RBM38: variants seen among roughly 807,000 people sequenced by gnomAD.
RBM38 encodes the protein RNA-binding protein 38.
Under a neutral mutation model 23.5 loss-of-function variants are expected in RBM38, and 11 were observed. That is an observed-to-expected ratio of 0.47 (90% confidence interval 0.29 to 0.77). The LOEUF is 0.77. Ranked by LOEUF, RBM38 falls within the 30% of genes least tolerant of loss-of-function variation. The probability of loss-of-function intolerance (pLI) is 0.08; values close to 1 mark genes in which losing one functional copy is unlikely to be tolerated. For missense variants in RBM38, 330 were observed against 351.9 expected, an observed-to-expected ratio of 0.94 and a Z score of 0.50; for synonymous variants, 165 against 166.1, an observed-to-expected ratio of 0.99 and a Z score of 0.05.
At chr20:57,401,980 G>A (rs142097653) in intron 3 of RBM38, among the ~76,000 whole-genome samples, 236 of 152,224 alleles carry the variant, frequency 1.6e-3, no homozygotes, top group African/African-American at 5.4e-3. Context: ...ACGGAGTCTC[G>A]CTCTGTCTCC....
chr20:57,398,680 T>G (rs1002321460), intron 3 of RBM38, among the ~76,000 whole-genome samples: 15 of 152,224 alleles, frequency 9.9e-5, no homozygotes, highest in African/African-American at 3.6e-4. Context: ...GAAAGCAGCC[T>G]TTGGGTGGCG....
At chr20:57,394,567 G>T (rs2067255325) in intron 3 of RBM38, among the ~76,000 whole-genome samples, 1 of 152,184 alleles carries the variant, frequency 6.6e-6, no homozygotes, top group African/African-American at 2.4e-5. Context: ...TCCTGCCGGG[G>T]TGCCTCTGTC....
chr20:57,397,116 A>G, intron 3 of RBM38, among the ~76,000 whole-genome samples: 1 of 152,184 alleles, frequency 6.6e-6, no homozygotes, highest in Non-Finnish European at 1.5e-5. Flanking sequence ...CTGTCTCTGC[A>G]GGCTCCTCCC....
At position 57,408,062 on chromosome 20, in the gene RBM38, T is replaced by G; in HGVS notation, c.*216T>G. 4.8e-6 allele frequency: 3 copies of G among 620,604 alleles called. No homozygotes were observed. The highest frequency in any genetic ancestry group is 2.8e-5 in the East Asian group (1 of 36,114). The allele number at this position is 620,604 out of a possible 1,614,324, so 38.4% of individuals were successfully genotyped here. On this transcript the variant is annotated 3_prime_UTR_variant, in exon 4 of 4. Coordinates refer to ENST00000356208, the MANE Select transcript of RBM38 (RefSeq NM_017495.6). ...TCCCATTGTGTCTTGAGGGAGGACT[T>G]TAAGAATGACTGAGAACTATTTAAA... is the stretch of plus-strand genomic sequence containing the variant.
At chr20:57,394,745 G>A (rs2067257333) in intron 3 of RBM38, among the ~76,000 whole-genome samples, 1 of 152,144 alleles carries the variant, frequency 6.6e-6, no homozygotes, top group South Asian at 2.1e-4. Flanking sequence ...ACATGAAGAG[G>A]GTGTTCCTTG....
intron 1 of RBM38, among the ~76,000 whole-genome samples, 165 bp downstream of exon 1, chr20:57,391,983 C>G (rs1360421939): frequency 2.6e-5 from 2 of 78,164 alleles, no homozygotes; most frequent in Non-Finnish European, 6.4e-5. Context: ...GCGCTCCTGC[C>G]GGTCCCGCCC....
In RBM38 at chr20:57,407,606, C is replaced by T. The variant is rs755155504; in HGVS notation, c.480C>T (p.Ala160=). 5 of 1,613,660 alleles carry T rather than the reference C, an allele frequency of 3.1e-6. No homozygotes were observed. Among genetic ancestry groups the T allele is most frequent in the Middle Eastern group, 1.6e-4 (1 of 6,084 alleles). Residue 160 remains alanine (A), a synonymous_variant, in exon 4 of 4, where the codon GCC becomes GCT. Coordinates refer to ENST00000356208, the MANE Select transcript of RBM38 (RefSeq NM_017495.6). This position sits in a 1 kb window ranked among gnomAD's most constrained non-coding sequence, Gnocchi z 4.0. ...AGCCCAGCGTGGTGATCCCAGCCGC[C>T]CCTGTCCCGTCGCTGTCCTCGCCCT... ...IVQPSVVIPA[A]PVPSLSSPYI...
rs140394996 is a variant in RBM38, at chr20:57,392,768, C to T, written c.352C>T (p.Leu118Phe). ...LAYLGAKPRS[L>F]QTGFAIGVQQ... ...ATATCTGGGCGCCAAGCCGCGGAGC[C>T]TCCAGACGGGTGAGAGCTTGTGTTT... The change falls in exon 2 of 4, where the codon CTC (leucine) becomes TTC (phenylalanine). Residue 118 changes from leucine to phenylalanine, a missense_variant. Leu to Phe is a conservative substitution (Grantham distance 22). Coordinates refer to ENST00000356208, the MANE Select transcript of RBM38 (RefSeq NM_017495.6). The T allele has an allele frequency of 2.7e-5, 44 of 1,613,006 alleles. No individual in the cohort carries two copies. Among genetic ancestry groups the T allele is most frequent in the Non-Finnish European group, 3.5e-5 (41 of 1,179,748 alleles).
chr20:57,391,850 C>T (rs750469542), intron 1 of RBM38, 32 bp downstream of exon 1: 4 of 1,456,424 alleles, frequency 2.7e-6, no homozygotes, highest in East Asian at 5.8e-5. Context: ...GCCCGCACCC[C>T]GCCGCACACC....
At chr20:57,403,979 A>C (rs2067355361) in intron 3 of RBM38, among the ~76,000 whole-genome samples, 1 of 152,218 alleles carries the variant, frequency 6.6e-6, no homozygotes, top group Admixed American at 6.5e-5. Flanking sequence ...CAGAAAGATG[A>C]GTAGATACCG....
At chr20:57,400,051 A>G (rs6025527) in intron 3 of RBM38, 24,629 of 451,356 alleles carry the variant, frequency 0.055, 4,295 homozygotes, top group African/African-American at 0.41. Context: ...TCTCCCGCCC[A>G]CCACGGGGTT....
chr20:57,394,507 A>G (rs1600744956), intron 3 of RBM38, among the ~76,000 whole-genome samples: 3 of 152,016 alleles, frequency 2.0e-5, no homozygotes, highest in Non-Finnish European at 4.4e-5. Flanking sequence ...GGGGTGCTGG[A>G]GGGTGGCCGG....
At chr20:57,397,677 GAGCATGGGATGCACA>G (rs1346014119) in intron 3 of RBM38, among the ~76,000 whole-genome samples, 2 of 152,210 alleles carry the variant, frequency 1.3e-5, no homozygotes, top group Non-Finnish European at 2.9e-5. Context: ...GTCTCCTTGA[GAGCATGGGATGCACA>G]AGCTGGGGAG....
intron 3 of RBM38, among the ~76,000 whole-genome samples, chr20:57,393,609 G>A (rs528971615): frequency 6.6e-6 from 1 of 152,318 alleles, no homozygotes; most frequent in Admixed American, 6.5e-5. Flanking sequence ...CCCGTAAAAT[G>A]GGAGTGGTCA....
At chr20:57,406,552 C>G (rs7271116) in intron 3 of RBM38, among the ~76,000 whole-genome samples, 3,296 of 152,278 alleles carry the variant, frequency 0.022, 113 homozygotes, top group African/African-American at 0.075. Flanking sequence ...CTCCCCCCAG[C>G]GTGGGCGCTG....
In RBM38 at chr20:57,393,502, G is replaced by C. The variant is rs149850811; in HGVS notation, c.416+169G>C. ...AGATTGCACTTCTCCATCCCTGGCA[G>C]AGGCCATACCACCTAGGGGATGGTG... On this transcript the variant is annotated intron_variant, in intron 3 of 3. Transcript: ENST00000356208. Among the ~76,000 whole-genome samples the C allele has an allele frequency of 3.9e-5, 6 of 152,332 alleles. No homozygotes were observed. The South Asian group carries it at 1.0e-3, about 26-fold the overall frequency.
At chr20:57,395,451 C>A (rs2067264041) in intron 3 of RBM38, among the ~76,000 whole-genome samples, 1 of 152,146 alleles carries the variant, frequency 6.6e-6, no homozygotes, top group Non-Finnish European at 1.5e-5. Context: ...CCCCCGACTT[C>A]AGGCGACGGT....
At chr20:57,397,697 G>T (rs1423165496) in intron 3 of RBM38, among the ~76,000 whole-genome samples, 1 of 152,242 alleles carries the variant, frequency 6.6e-6, no homozygotes, top group Non-Finnish European at 1.5e-5. Context: ...TGCACAAGCT[G>T]GGGAGAATGT....
At chr20:57,392,087 T>G in intron 1 of RBM38, 1 of 171,138 alleles carries the variant, frequency 5.8e-6, no homozygotes. Context: ...TTAGGACTCC[T>G]AAGTTGGTGG....
Sources: allele counts gnomAD v4.1 joint callset (sites outside exome capture counted in the v4.1 genomes callset), GRCh38; gene constraint gnomAD v4.1.1; non-coding constraint Gnocchi (gnomAD v3.1); transcripts MANE v1.5; gene names NCBI Gene and HGNC (gene_info 2026-07-23, HGNC 2026-07-21).